NCOA6: variants seen among roughly 807,000 people sequenced by gnomAD.
The protein encoded by NCOA6 is nuclear receptor coactivator 6.
In NCOA6, 49 loss-of-function variants were observed where a neutral mutation model predicts 171.4. The observed-to-expected ratio is 0.29, with a 90% CI of 0.23 to 0.36. The LOEUF (loss-of-function observed/expected upper bound fraction) is 0.36. Ranked by LOEUF, NCOA6 falls within the 10% of genes least tolerant of loss-of-function variation. The pLI, the probability that NCOA6 is intolerant of heterozygous loss-of-function variation, is 1.00. For synonymous variants in NCOA6, 910 were observed against 927.5 expected, an observed-to-expected ratio of 0.98 and a Z score of 0.34; for missense variants, 2,248 against 2,554.5, an observed-to-expected ratio of 0.88 and a Z score of 2.59.
intron 1 of NCOA6, among the ~76,000 whole-genome samples, chr20:34,813,711 G>A (rs192609932): frequency 3.7e-4 from 57 of 152,098 alleles, no homozygotes; most frequent in Non-Finnish European, 6.3e-4. Flanking sequence ...GTTGAATATA[G>A]ATGGTGAGTA....
chr20:34,774,793 T>A (rs1362745811), intron 4 of NCOA6, among the ~76,000 whole-genome samples: 1 of 152,190 alleles, frequency 6.6e-6, no homozygotes, highest in Non-Finnish European at 1.5e-5. Context: ...ACTAAAGTCA[T>A]AAGCTCTTCC....
At chr20:34,798,355 G>A (rs1050206856) in intron 1 of NCOA6, among the ~76,000 whole-genome samples, 10 of 152,224 alleles carry the variant, frequency 6.6e-5, no homozygotes, top group Admixed American at 1.3e-4. Flanking sequence ...CCTGGCTTCC[G>A]AACATCTCTG....
At chr20:34,805,934 C>A (rs2078435513) in intron 1 of NCOA6, among the ~76,000 whole-genome samples, 1 of 152,216 alleles carries the variant, frequency 6.6e-6, no homozygotes, top group South Asian at 2.1e-4. Context: ...GATCCACCCG[C>A]CTCAGCCTCC....
chr20:34,813,461 G>A (rs1264689732), intron 1 of NCOA6, among the ~76,000 whole-genome samples: 1 of 144,148 alleles, frequency 6.9e-6, no homozygotes, highest in Non-Finnish European at 1.5e-5. Context: ...GTGAAACTCT[G>A]TCTTAAAAAA....
At chr20:34,814,389 C>T (rs2078765422) in intron 1 of NCOA6, among the ~76,000 whole-genome samples, 1 of 151,790 alleles carries the variant, frequency 6.6e-6, no homozygotes. Flanking sequence ...GAAAATCACC[C>T]AAATGCCAAA....
intron 8 of NCOA6, among the ~76,000 whole-genome samples, chr20:34,752,949 CAAAA>C (rs1193095897): frequency 6.8e-6 from 1 of 147,386 alleles, no homozygotes; most frequent in Non-Finnish European, 1.5e-5. Context: ...AGAAAACAAA[CAAAA>C]AACATGTACA....
intron 13 of NCOA6, among the ~76,000 whole-genome samples, chr20:34,731,235 G>A (rs1326504017): frequency 5.3e-5 from 8 of 151,964 alleles, no homozygotes. Context: ...GGCCAGGGTG[G>A]TATCGAACTC....
chr20:34,741,236 G>A lies in NCOA6; in HGVS notation c.5020C>T (p.Gln1674Ter), dbSNP rs2076132900. 6.2e-7 allele frequency: 1 copy of A among 1,614,264 alleles called. No individual in the cohort carries two copies. Among genetic ancestry groups the A allele is most frequent in the Non-Finnish European group, 8.5e-7 (1 of 1,180,052 alleles). The change falls in exon 11 of 15, where the codon CAG becomes TAG. Residue 1674 changes from glutamine to a stop codon, truncating the protein, a stop_gained. Transcript: ENST00000359003. LOFTEE classifies it high-confidence loss of function. ...SSIIQVMKGS[Q>*]PSTIPAAPLT... ...GGGGCTGCAGGAATTGTGCTTGGCT[G>A]TGATCCTTTCATAACCTGAATTATT...
intron 1 of NCOA6, among the ~76,000 whole-genome samples, chr20:34,799,343 T>G (rs959828815): frequency 1.3e-5 from 2 of 151,858 alleles, no homozygotes; most frequent in Non-Finnish European, 2.9e-5. Context: ...TAACAGAAAA[T>G]AGCCTCAAAA....
At chr20:34,782,060 C>T in intron 3 of NCOA6, 61 bp downstream of exon 3, 1 of 1,195,690 alleles carries the variant, frequency 8.4e-7, no homozygotes, top group South Asian at 1.6e-5. Flanking sequence ...TCAAGATAAC[C>T]ATGGAAGGGC....
intron 1 of NCOA6, among the ~76,000 whole-genome samples, chr20:34,822,958 A>G (rs1010927247): frequency 2.6e-5 from 4 of 152,228 alleles, no homozygotes; most frequent in Non-Finnish European, 5.9e-5. Flanking sequence ...TCTTTATATC[A>G]TACTACAATT....
intron 6 of NCOA6, 59 bp downstream of exon 6, chr20:34,758,746 T>C (rs1350381167): frequency 7.7e-6 from 12 of 1,555,606 alleles, no homozygotes; most frequent in Admixed American, 4.2e-5. Flanking sequence ...AACTGAATTT[T>C]ATAATGATCT....
intron 1 of NCOA6, among the ~76,000 whole-genome samples, chr20:34,812,323 T>C (rs2078694870): frequency 6.6e-6 from 1 of 150,810 alleles, no homozygotes; most frequent in African/African-American, 2.4e-5. Context: ...CAAGGGAAAA[T>C]TTGTGCAGCT....
At chr20:34,795,525 G>A (rs192222122) in intron 1 of NCOA6, among the ~76,000 whole-genome samples, 10 of 152,258 alleles carry the variant, frequency 6.6e-5, no homozygotes, top group East Asian at 5.8e-4. Flanking sequence ...ACAAGAAAAC[G>A]TAATCTGACA....
intron 14 of NCOA6, among the ~76,000 whole-genome samples, chr20:34,718,432 C>T (rs1352916372): frequency 6.6e-6 from 1 of 151,388 alleles, no homozygotes; most frequent in Non-Finnish European, 1.5e-5. Context: ...TTTTCTACTC[C>T]CTCCAAAATG....
At chr20:34,785,502 C>T (rs902968580) in intron 2 of NCOA6, among the ~76,000 whole-genome samples, 3 of 151,108 alleles carry the variant, frequency 2.0e-5, no homozygotes, top group South Asian at 2.1e-4. Context: ...TACCACTGCC[C>T]TTATTTGATT....
chr20:34,757,074 A>C, intron 7 of NCOA6, 146 bp downstream of exon 7: 3 of 798,858 alleles, frequency 3.8e-6, no homozygotes, highest in Non-Finnish European at 5.5e-6. Flanking sequence ...AGTTAACTTT[A>C]AGTTATATCA....
intron 3 of NCOA6, among the ~76,000 whole-genome samples, chr20:34,780,663 A>AT (rs910980075): frequency 1.4e-5 from 2 of 143,982 alleles, no homozygotes; most frequent in South Asian, 2.2e-4. Flanking sequence ...TTTATTATTT[A>AT]TTTTTTTTAG....
At chr20:34,798,480 T>C (rs1190922302) in intron 1 of NCOA6, among the ~76,000 whole-genome samples, 2 of 152,222 alleles carry the variant, frequency 1.3e-5, no homozygotes, top group South Asian at 2.1e-4. Context: ...ACACAGGTGA[T>C]AGCCAGGTGG....
Sources: allele counts gnomAD v4.1 joint callset (sites outside exome capture counted in the v4.1 genomes callset), GRCh38; gene constraint gnomAD v4.1.1; transcripts MANE v1.5; gene names NCBI Gene and HGNC (gene_info 2026-07-23, HGNC 2026-07-21).